SLC16A7: variants seen among roughly 807,000 people sequenced by gnomAD.
The protein encoded by SLC16A7 is monocarboxylate transporter 2.
Under a neutral mutation model 34.9 loss-of-function variants are expected in SLC16A7, and 33 were observed. The observed-to-expected ratio is 0.94, with a 90% CI of 0.72 to 1.26. The LOEUF (loss-of-function observed/expected upper bound fraction) is 1.26, where lower values mean the gene tolerates loss of function less well. Ranked by LOEUF, SLC16A7 falls within the 50% of genes most tolerant of loss-of-function variation. The pLI is 0.00. For synonymous variants in SLC16A7, 201 were observed against 206.6 expected (o/e 0.97, Z 0.23); for missense variants, 573 against 578.1 (o/e 0.99, Z 0.09).
intron 1 of SLC16A7, among the ~76,000 whole-genome samples, chr12:59,612,450 G>A (rs183099238): frequency 1.3e-5 from 2 of 152,242 alleles, no homozygotes; most frequent in South Asian, 2.1e-4. Flanking sequence ...TTCCCTCCTG[G>A]ACCTGGCCTG....
intron 2 of SLC16A7, among the ~76,000 whole-genome samples, chr12:59,659,533 T>C (rs1003612962): frequency 5.3e-5 from 8 of 152,108 alleles, no homozygotes; most frequent in Admixed American, 5.2e-4. Context: ...GTTTTGTAGC[T>C]AGCTACTCAC....
intron 2 of SLC16A7, among the ~76,000 whole-genome samples, chr12:59,665,674 T>A (rs1592452835): frequency 6.6e-6 from 1 of 152,098 alleles, no homozygotes; most frequent in African/African-American, 2.4e-5. Flanking sequence ...GTAATCATTT[T>A]TCATTGAGCT....
chr12:59,673,669 T>TC (rs1253956325), intron 2 of SLC16A7, among the ~76,000 whole-genome samples: 1 of 152,164 alleles, frequency 6.6e-6, no homozygotes, highest in African/African-American at 2.4e-5. Context: ...AATATTCATT[T>TC]CTTACCCATA....
intron 1 of SLC16A7, among the ~76,000 whole-genome samples, chr12:59,652,011 A>G (rs913886158): frequency 6.6e-6 from 1 of 152,068 alleles, no homozygotes; most frequent in Non-Finnish European, 1.5e-5. Context: ...GAATTTATAA[A>G]CATGATTGGA....
At chr12:59,607,047 A>C (rs1051303994) in intron 1 of SLC16A7, among the ~76,000 whole-genome samples, 3 of 152,146 alleles carry the variant, frequency 2.0e-5, no homozygotes, top group Non-Finnish European at 2.9e-5. Context: ...GAATATATCC[A>C]CACCTGTTTG....
At position 59,612,986 on chromosome 12, in the gene SLC16A7, C is replaced by T. The variant is rs774988255; in HGVS notation, c.-130+16750C>T. 8.5e-5 allele frequency among the ~76,000 whole-genome samples: 13 copies of T among 152,324 alleles called. No homozygotes were observed. In the Middle Eastern group the frequency reaches 0.01, roughly 120 times the overall value. On this transcript the variant is annotated intron_variant, in intron 1 of 5. Coordinates refer to ENST00000547379, the MANE Select transcript of SLC16A7 (RefSeq NM_001270623.2). ...TCTGCCTATTACCCAGTTCCAAAGT[C>T]GCTTCCACATATTTGGGGATCTTTA...
intron 3 of SLC16A7, among the ~76,000 whole-genome samples, chr12:59,754,172 C>T (rs1348869922): frequency 6.6e-6 from 1 of 152,112 alleles, no homozygotes; most frequent in Non-Finnish European, 1.5e-5. Context: ...CAAAAATTGA[C>T]ACCCTAACAT....
intron 1 of SLC16A7, among the ~76,000 whole-genome samples, chr12:59,630,800 TTGA>T (rs1305496510): frequency 6.6e-6 from 1 of 151,972 alleles, no homozygotes; most frequent in Non-Finnish European, 1.5e-5. Flanking sequence ...AGCTAATTCC[TTGA>T]TAAGATTAAA....
intron 1 of SLC16A7, among the ~76,000 whole-genome samples, chr12:59,611,110 T>C (rs1254637196): frequency 6.6e-6 from 1 of 152,178 alleles, no homozygotes; most frequent in African/African-American, 2.4e-5. Flanking sequence ...TCATGAGGTA[T>C]CTACCATTAG....
At chr12:59,666,841 G>A (rs1869246644) in intron 2 of SLC16A7, among the ~76,000 whole-genome samples, 1 of 152,166 alleles carries the variant, frequency 6.6e-6, no homozygotes, top group Non-Finnish European at 1.5e-5. Flanking sequence ...GGGTGCTGCT[G>A]TAAAGATAAC....
intron 3 of SLC16A7, chr12:59,720,198 A>G: frequency 1.6e-6 from 1 of 635,928 alleles, no homozygotes; most frequent in South Asian, 1.8e-5. Context: ...GAATCTTCCT[A>G]AGTTATTGTT....
intron 3 of SLC16A7, among the ~76,000 whole-genome samples, chr12:59,710,487 G>A (rs889457429): frequency 6.6e-6 from 1 of 151,696 alleles, no homozygotes; most frequent in Non-Finnish European, 1.5e-5. Context: ...TAGAGCCTTT[G>A]AAATTATTCC....
intron 2 of SLC16A7, among the ~76,000 whole-genome samples, chr12:59,674,978 T>C (rs1330587241): frequency 6.6e-6 from 1 of 152,162 alleles, no homozygotes. Context: ...AAGTGGTAGG[T>C]CTGATCCTCA....
chr12:59,606,659 A>C lies in SLC16A7; in HGVS notation c.-130+10423A>C, dbSNP rs937171849. Among the ~76,000 whole-genome samples the C allele has an allele frequency of 7.2e-5, 11 of 152,214 alleles. No homozygotes were observed. In the East Asian group the frequency reaches 2.1e-3, roughly 29 times the overall value. On this transcript the variant is annotated intron_variant, in intron 1 of 5. Transcript: ENST00000547379. ...ATGTTTCAGTGCAGGTAAGATGCTA[A>C]TGACAACTAGATCTTGGCTCCCATA...
chr12:59,612,087 CTG>C (rs1198923147), intron 1 of SLC16A7, among the ~76,000 whole-genome samples: 2 of 152,240 alleles, frequency 1.3e-5, no homozygotes, highest in African/African-American at 2.4e-5. Flanking sequence ...GATGGAGACT[CTG>C]TGTGGAGGTT....
chr12:59,746,695 T>A (rs1284531181), intron 3 of SLC16A7, among the ~76,000 whole-genome samples: 1 of 152,190 alleles, frequency 6.6e-6, no homozygotes, highest in African/African-American at 2.4e-5. Context: ...GAAAATTATT[T>A]TATCTTTTCC....
intron 3 of SLC16A7, among the ~76,000 whole-genome samples, chr12:59,718,219 C>T (rs1441465497): frequency 6.6e-6 from 1 of 151,962 alleles, no homozygotes; most frequent in Non-Finnish European, 1.5e-5. Context: ...AGAGGTCTTC[C>T]TTTTTCCACT....
At chr12:59,657,058 C>T (rs953966993) in intron 2 of SLC16A7, among the ~76,000 whole-genome samples, 3 of 151,788 alleles carry the variant, frequency 2.0e-5, no homozygotes, top group African/African-American at 7.3e-5. Flanking sequence ...ATTATTAATA[C>T]TTGGCATATT....
intron 3 of SLC16A7, among the ~76,000 whole-genome samples, chr12:59,770,772 T>C (rs1882146413): frequency 6.6e-6 from 1 of 152,138 alleles, no homozygotes; most frequent in Non-Finnish European, 1.5e-5. Context: ...TAAAAAACAA[T>C]TTCAGCTCTA....
Sources: allele counts gnomAD v4.1 joint callset (sites outside exome capture counted in the v4.1 genomes callset), GRCh38; gene constraint gnomAD v4.1.1; transcripts MANE v1.5; gene names NCBI Gene and HGNC (gene_info 2026-07-23, HGNC 2026-07-21).